Variants in ZMYM1 observed in about 807,000 individuals in gnomAD.
ZMYM1 encodes the protein zinc finger MYM-type containing 1, also known as zinc finger MYM-type protein 1.
In ZMYM1, 39 loss-of-function variants were observed where a neutral mutation model predicts 60.0. That is an observed-to-expected ratio of 0.65 (90% CI 0.50 to 0.85). The LOEUF (loss-of-function observed/expected upper bound fraction) is 0.85. Among genes scored for constraint, ZMYM1 ranks in the 40% least tolerant of loss-of-function variants. The pLI, the probability that ZMYM1 is intolerant of heterozygous loss-of-function variation, is 0.00. For synonymous variants in ZMYM1, 413 were observed against 454.0 expected (o/e 0.91, Z 1.15); for missense variants, 1,171 against 1,309.5 (o/e 0.89, Z 1.63).
At chr1:35,079,036 G>A (rs1642230672), upstream of ZMYM1, 1 of 151,918 alleles carries the variant, frequency 6.6e-6, no homozygotes, top group Non-Finnish European at 1.5e-5. Context: ...CTACGATGCA[G>A]CCACTACAAT....
At chr1:35,071,651 C>T (rs1046815955) in intron 1 of ZMYM1, among the ~76,000 whole-genome samples, 13 of 152,058 alleles carry the variant, frequency 8.5e-5, no homozygotes, top group Admixed American at 7.2e-4. Flanking sequence ...TTGCTAGTAT[C>T]TTCTTGAGAA....
At chr1:35,098,700 A>AT (rs1470306973) in intron 4 of ZMYM1, among the ~76,000 whole-genome samples, 1 of 152,136 alleles carries the variant, frequency 6.6e-6, no homozygotes, top group African/African-American at 2.4e-5. Flanking sequence ...TGAGCTCAGG[A>AT]GTTTGAGACC....
At chr1:35,082,357 G>T (rs1458283389) in intron 1 of ZMYM1, among the ~76,000 whole-genome samples, 1 of 150,116 alleles carries the variant, frequency 6.7e-6, no homozygotes, top group Non-Finnish European at 1.5e-5. Context: ...TTTAAATGGA[G>T]TCATGCGCTG....
chr1:35,067,730 C>T (rs1422190760), intron 1 of ZMYM1, among the ~76,000 whole-genome samples: 3 of 151,538 alleles, frequency 2.0e-5, no homozygotes, highest in Non-Finnish European at 4.4e-5. Context: ...CAGAAATTAG[C>T]CAGGCATGGT....
At chr1:35,097,231 A>G in intron 3 of ZMYM1, 86 bp from the exon 4 acceptor site, 3 of 1,452,226 alleles carry the variant, frequency 2.1e-6, no homozygotes, top group Non-Finnish European at 2.8e-6. Context: ...CCCTGTCTCT[A>G]AAAAAAGAAA....
chr1:35,084,515 T>G (rs1470730160), intron 1 of ZMYM1, among the ~76,000 whole-genome samples: 1 of 152,244 alleles, frequency 6.6e-6, no homozygotes, highest in African/African-American at 2.4e-5. Flanking sequence ...TTGTTAAGAC[T>G]GGTCTATTTC....
At chr1:35,078,537 A>ATT (rs751468260), upstream of ZMYM1, among the ~76,000 whole-genome samples, 1,560 of 82,204 alleles carry the variant, frequency 0.019, 172 homozygotes, top group East Asian at 0.034. Flanking sequence ...GGTTATTTTA[A>ATT]TTTTTTTTTT....
At chr1:35,117,413 G>A (rs894080033), downstream of ZMYM1, among the ~76,000 whole-genome samples, 25 of 151,996 alleles carry the variant, frequency 1.6e-4, no homozygotes, top group African/African-American at 5.1e-4. Flanking sequence ...TCCACCTCGC[G>A]GGTTCAAGTG....
intron 1 of ZMYM1, among the ~76,000 whole-genome samples, chr1:35,081,024 A>G (rs1356223263): frequency 1.3e-5 from 2 of 151,828 alleles, no homozygotes; most frequent in Non-Finnish European, 2.9e-5. Flanking sequence ...GCTCACTGCA[A>G]CCTCCACCTC....
intron 6 of ZMYM1, among the ~76,000 whole-genome samples, chr1:35,108,798 C>A (rs1223007567): frequency 2.0e-5 from 3 of 150,656 alleles, no homozygotes; most frequent in Non-Finnish European, 4.4e-5. Flanking sequence ...GGAGGCCCAA[C>A]CTCAGGTGTT....
At chr1:35,110,493 A>G in intron 7 of ZMYM1, 46 bp downstream of exon 7, 1 of 1,282,364 alleles carries the variant, frequency 7.8e-7, no homozygotes, top group Non-Finnish European at 1.0e-6. Context: ...TTATTAATAA[A>G]TAATATTATT....
upstream of ZMYM1, among the ~76,000 whole-genome samples, chr1:35,075,478 T>TCACA (rs1642150987): frequency 6.6e-6 from 1 of 152,100 alleles, no homozygotes; most frequent in Non-Finnish European, 1.5e-5. Flanking sequence ...AAGCCCCGGA[T>TCACA]TGGTTTATAG....
chr1:35,087,088 G>A (rs1452628596), intron 1 of ZMYM1, among the ~76,000 whole-genome samples: 1 of 146,382 alleles, frequency 6.8e-6, no homozygotes, highest in African/African-American at 2.6e-5. Context: ...CATCTCCCAG[G>A]TCAAGAGATT....
At chr1:35,106,867 T>G (rs1022124953) in intron 6 of ZMYM1, among the ~76,000 whole-genome samples, 10 of 151,804 alleles carry the variant, frequency 6.6e-5, no homozygotes, top group African/African-American at 2.4e-4. Context: ...TTGTTTGTTT[T>G]TTGAGACGGA....
Position 35,094,125 on chromosome 1 carries a change from T to G in ZMYM1, c.96+42T>G, listed in dbSNP as rs538115978. On this transcript the variant is annotated intron_variant, in intron 2 of 9. Transcript: ENST00000359858. ...ATTTCCATTATTTCTAGAGCAGCATTTAACTATAAATTTTAGTTACAAAGG... is the reference window on the plus strand; with the variant it reads ...ATTTCCATTATTTCTAGAGCAGCATGTAACTATAAATTTTAGTTACAAAGG... The G allele has an allele frequency of 5.2e-6, 8 of 1,542,052 alleles. No individual in the cohort carries two copies. In the African/African-American group the frequency reaches 9.7e-5, roughly 19 times the overall value.
rs1186699525 is a variant in ZMYM1, at chr1:35,097,519, T to C, written c.372T>C (p.Ser124=). The change falls in exon 4 of 10, where the codon TCT becomes TCC. Residue 124 remains serine (S), a synonymous_variant. Coordinates refer to ENST00000359858, the MANE Select transcript of ZMYM1 (RefSeq NM_024772.5). ...CATGCATCACTGAATACATTTCATC[T>C]GCCAGTTCACCAGTTCCTTCTAAGA... is the stretch of plus-strand genomic sequence containing the variant. ...SIPCITEYIS[S]ASSPVPSKRT... 6.2e-7 allele frequency: 1 copy of C among 1,614,252 alleles called. No homozygotes were observed. Among genetic ancestry groups the C allele is most frequent in the South Asian group, 1.1e-5 (1 of 91,086 alleles).
At chr1:35,086,769 ACCT>A (rs1642676491) in intron 1 of ZMYM1, among the ~76,000 whole-genome samples, 1 of 150,178 alleles carries the variant, frequency 6.7e-6, no homozygotes, top group Admixed American at 6.7e-5. Flanking sequence ...TACATCCTCC[ACCT>A]CCTGGGTTTA....
chr1:35,067,932 C>T (rs899023511), intron 1 of ZMYM1, among the ~76,000 whole-genome samples: 1 of 151,792 alleles, frequency 6.6e-6, no homozygotes, highest in Non-Finnish European at 1.5e-5. Context: ...CCTGTACCCC[C>T]GATAACCTAT....
At position 35,115,835 on chromosome 1, in the gene ZMYM1, T is replaced by G. The variant is rs1375408289; in HGVS notation, c.*576T>G. On this transcript the variant is annotated 3_prime_UTR_variant, in exon 10 of 10. Coordinates refer to ENST00000359858, the MANE Select transcript of ZMYM1 (RefSeq NM_024772.5). Reference sequence around the variant, plus strand: ...CACCCACAATGCATGAGAGTGCCTATTAAATCTTTGTAAGTGTTATCAAAT... The same window carrying G: ...CACCCACAATGCATGAGAGTGCCTAGTAAATCTTTGTAAGTGTTATCAAAT... 6.6e-6 allele frequency: 1 copy of G among 151,794 alleles called. No individual in the cohort carries two copies. The highest frequency in any genetic ancestry group is 2.4e-5 in the African/African-American group (1 of 41,018). 9.4% of individuals were successfully genotyped at this position (151,794 alleles called of 1,614,324 possible).
Sources: gnomAD v4.1 joint callset for allele counts (sites outside exome capture counted in the v4.1 genomes callset) on GRCh38, gnomAD v4.1.1 for gene constraint, MANE v1.5 for transcripts, NCBI Gene and HGNC (gene_info 2026-07-23, HGNC 2026-07-21) for gene names.